Variants in LRP1B observed in about 807,000 individuals in gnomAD.
LRP1B encodes low-density lipoprotein receptor-related protein 1B.
Under a neutral mutation model 556.6 loss-of-function variants are expected in LRP1B, and 217 were observed. That is an observed-to-expected ratio of 0.39 (90% confidence interval 0.35 to 0.44). The LOEUF (loss-of-function observed/expected upper bound fraction) is 0.44, where lower values mean the gene tolerates loss of function less well. Among genes scored for constraint, LRP1B ranks in the 20% least tolerant of loss-of-function variants. The pLI, the probability that LRP1B is intolerant of heterozygous loss-of-function variation, is 1.00. For synonymous variants in LRP1B, 2,047 were observed against 1,865.8 expected, an observed-to-expected ratio of 1.10 and a Z score of -2.50; for missense variants, 5,053 against 5,620.8, an observed-to-expected ratio of 0.90 and a Z score of 3.23.
At chr2:140,882,569 C>T (rs1456308163) in intron 25 of LRP1B, among the ~76,000 whole-genome samples, 1 of 152,148 alleles carries the variant, frequency 6.6e-6, no homozygotes, top group South Asian at 2.1e-4. Flanking sequence ...ATTTAAAACA[C>T]TGTGGAAAAT....
chr2:142,101,651 T>G (rs938821573), intron 1 of LRP1B, among the ~76,000 whole-genome samples: 4 of 151,932 alleles, frequency 2.6e-5, no homozygotes, highest in Non-Finnish European at 5.9e-5. Flanking sequence ...TCTTCTAGAA[T>G]TACCTTTAGA....
At chr2:140,262,335 G>T (rs371693170) in intron 86 of LRP1B, among the ~76,000 whole-genome samples, 1 of 152,284 alleles carries the variant, frequency 6.6e-6, no homozygotes, top group East Asian at 1.9e-4. Context: ...ACAAAGCACA[G>T]ATTTTAAGAC....
At chr2:141,011,527 T>C (rs1697749753) in intron 14 of LRP1B, among the ~76,000 whole-genome samples, 1 of 152,074 alleles carries the variant, frequency 6.6e-6, no homozygotes, top group South Asian at 2.1e-4. Flanking sequence ...TGATCAAACA[T>C]ATAGTTAAGT....
At chr2:140,295,305 A>C (rs1006975375) in intron 84 of LRP1B, among the ~76,000 whole-genome samples, 16 of 152,332 alleles carry the variant, frequency 1.1e-4, no homozygotes, top group African/African-American at 3.8e-4. Context: ...ACATTGGCCT[A>C]GGGTAGGGGC....
intron 1 of LRP1B, among the ~76,000 whole-genome samples, chr2:141,919,746 G>C (rs1391122046): frequency 6.6e-6 from 1 of 151,984 alleles, no homozygotes; most frequent in Non-Finnish European, 1.5e-5. Flanking sequence ...ACATCTTTGA[G>C]TTAGAACAAT....
chr2:140,632,105 T>C (rs985590868), intron 41 of LRP1B, among the ~76,000 whole-genome samples: 4 of 152,162 alleles, frequency 2.6e-5, no homozygotes, highest in African/African-American at 9.7e-5. Flanking sequence ...GAGCAGAATC[T>C]GAGGAAATTG....
chr2:141,073,216 T>G (rs1470203946), intron 7 of LRP1B, among the ~76,000 whole-genome samples: 1 of 152,098 alleles, frequency 6.6e-6, no homozygotes, highest in Non-Finnish European at 1.5e-5. Flanking sequence ...TGATACATCA[T>G]CCAAATTTAC....
chr2:141,357,027 TTTTTTATTTTATTTTA>T (rs1372471877), intron 3 of LRP1B, among the ~76,000 whole-genome samples: 12 of 151,754 alleles, frequency 7.9e-5, no homozygotes, highest in South Asian at 4.2e-4. Context: ...CTTTTTAAAT[TTTTTTATTTTATTTTA>T]TTTTTATTTT....
intron 3 of LRP1B, among the ~76,000 whole-genome samples, chr2:141,270,693 C>G (rs1685057004): frequency 6.6e-6 from 1 of 151,990 alleles, no homozygotes; most frequent in African/African-American, 2.4e-5. Context: ...CACAGAAGAA[C>G]ACATATTGTA....
intron 2 of LRP1B, among the ~76,000 whole-genome samples, chr2:141,489,403 A>G (rs547526513): frequency 6.6e-6 from 1 of 151,812 alleles, no homozygotes; most frequent in Admixed American, 6.6e-5. Context: ...TGTAGTTATT[A>G]TAAGAGTATG....
At chr2:141,208,834 A>C (rs1188682576) in intron 6 of LRP1B, among the ~76,000 whole-genome samples, 1 of 128,730 alleles carries the variant, frequency 7.8e-6, no homozygotes, top group Non-Finnish European at 1.6e-5. Context: ...ACGCCGCTGC[A>C]CTCCAACCTG....
intron 29 of LRP1B, among the ~76,000 whole-genome samples, chr2:140,844,295 C>T (rs1692209190): frequency 1.3e-5 from 2 of 152,060 alleles, no homozygotes; most frequent in South Asian, 4.1e-4. Flanking sequence ...AAGTCCTGAC[C>T]TCAGGTGATC....
rs1477966806 is a variant in LRP1B, at chr2:141,178,029, G to A, written c.1013+10392C>T. 2.6e-5 allele frequency among the ~76,000 whole-genome samples: 4 copies of A among 152,074 alleles called. No homozygotes were observed. In the East Asian group the frequency reaches 5.8e-4, roughly 22 times the overall value. On this transcript the variant is annotated intron_variant, in intron 7 of 90. Coordinates refer to ENST00000389484, the MANE Select transcript of LRP1B (RefSeq NM_018557.3). ...GAATATAACTTTAAATATGGTTATT[G>A]GTATGTAGAAGTAATGGGAAACAAA...
In LRP1B at chr2:142,096,043, T is replaced by C. The variant is rs573987330; in HGVS notation, c.82+34605A>G. 5.3e-5 allele frequency among the ~76,000 whole-genome samples: 8 copies of C among 151,870 alleles called. No individual in the cohort carries two copies. The South Asian group carries it at 1.4e-3, about 28-fold the overall frequency. On this transcript the variant is annotated intron_variant, in intron 1 of 90. Coordinates refer to ENST00000389484, the MANE Select transcript of LRP1B (RefSeq NM_018557.3). ...TGCCAGGTCTTAGTCCACTTAACTA[T>C]TTTTTGTGTTCCAGACTTATTCCTT...
At chr2:140,751,242 C>T (rs1436286803) in intron 35 of LRP1B, among the ~76,000 whole-genome samples, 1 of 152,172 alleles carries the variant, frequency 6.6e-6, no homozygotes, top group Non-Finnish European at 1.5e-5. Flanking sequence ...ATCCGCCTGC[C>T]TTGGCCTCCC....
At chr2:141,939,845 G>A (rs1700744848) in intron 1 of LRP1B, among the ~76,000 whole-genome samples, 1 of 152,098 alleles carries the variant, frequency 6.6e-6, no homozygotes, top group South Asian at 2.1e-4. Context: ...TGGCAAGTCA[G>A]TTGTTAAACA....
At chr2:140,787,483 G>T (rs1206547336) in intron 32 of LRP1B, among the ~76,000 whole-genome samples, 1 of 147,390 alleles carries the variant, frequency 6.8e-6, no homozygotes, top group East Asian at 2.1e-4. Context: ...GGTCTGTGTA[G>T]AATCATATCA....
chr2:140,503,353 T>A (rs1328213965), intron 53 of LRP1B, among the ~76,000 whole-genome samples: 2 of 152,098 alleles, frequency 1.3e-5, no homozygotes, highest in Non-Finnish European at 2.9e-5. Context: ...AATAAGAAAG[T>A]GACCCTTGAC....
chr2:141,506,594 A>G (rs994904829), intron 2 of LRP1B, among the ~76,000 whole-genome samples: 9 of 152,038 alleles, frequency 5.9e-5, no homozygotes, highest in African/African-American at 2.2e-4. Flanking sequence ...GACAGGCTGT[A>G]TAGGATGTGG....
Sources: gnomAD v4.1 joint callset for allele counts (sites outside exome capture counted in the v4.1 genomes callset) on GRCh38, gnomAD v4.1.1 for gene constraint, MANE v1.5 for transcripts, NCBI Gene and HGNC (gene_info 2026-07-23, HGNC 2026-07-21) for gene names.